BCL2L1: variants seen among roughly 807,000 people sequenced by gnomAD.
BCL2L1 encodes BCL2 like 1.
A neutral mutation model predicts 18.7 loss-of-function variants in BCL2L1; 1 was observed. The ratio of observed to expected loss-of-function variants is 0.05; its 90% confidence interval spans 0.02 to 0.25. The LOEUF (loss-of-function observed/expected upper bound fraction) is 0.25, where lower values mean the gene tolerates loss of function less well. Ranked by LOEUF, BCL2L1 falls within the 10% of genes least tolerant of loss-of-function variation. The pLI is 1.00. For synonymous variants in BCL2L1, 103 were observed against 122.7 expected (o/e 0.84, Z 1.06); for missense variants, 207 against 304.9 (o/e 0.68, Z 2.39).
In BCL2L1 at chr20:31,721,726, G is replaced by A. The variant is rs2122871839; in HGVS notation, c.493C>T (p.Arg165Trp). The A allele has an allele frequency of 2.5e-6, 4 of 1,614,044 alleles. No individual in the cohort carries two copies. The highest frequency in any genetic ancestry group is 3.4e-6 in the Non-Finnish European group (4 of 1,180,014). The change falls in exon 2 of 3, where the codon CGG (arginine) becomes TGG (tryptophan). Residue 165 changes from arginine to tryptophan, a missense_variant. Coordinates refer to ENST00000307677, the MANE Select transcript of BCL2L1 (RefSeq NM_138578.3). ...TAAGTGGCCATCCAAGCTGCGATCC[G>A]ACTCACCAATACCTGCATCTCCTTG... The part of the protein sequence containing the change: ...VDKEMQVLVS[R>W]IAAWMATYLN...
intron 2 of BCL2L1, among the ~76,000 whole-genome samples, chr20:31,697,384 G>A (rs993861196): frequency 6.6e-6 from 1 of 152,068 alleles, no homozygotes; most frequent in African/African-American, 2.4e-5. Context: ...ATGGAAGAGG[G>A]AAGAGGACAG....
At chr20:31,690,366 C>G (rs2061042122) in intron 2 of BCL2L1, among the ~76,000 whole-genome samples, 1 of 152,124 alleles carries the variant, frequency 6.6e-6, no homozygotes. Flanking sequence ...GCTGGGATTA[C>G]AGGTGTGAGT....
At chr20:31,707,740 T>C (rs1437384108) in intron 2 of BCL2L1, among the ~76,000 whole-genome samples, 1 of 146,318 alleles carries the variant, frequency 6.8e-6, no homozygotes, top group Admixed American at 7.0e-5. Context: ...GTGGCACCAT[T>C]GCACTCCAGC....
At position 31,721,680 on chromosome 20, in the gene BCL2L1, G is replaced by A. The variant is rs746751843; in HGVS notation, c.539C>T (p.Pro180Leu). 19 of 1,611,518 alleles carry A rather than the reference G, an allele frequency of 1.2e-5. No homozygotes were observed. The highest frequency in any genetic ancestry group is 3.3e-5 in the Admixed American group (2 of 59,788). Residue 180 changes from proline to leucine, a missense_variant, in exon 2 of 3, where the codon CCT becomes CTT. Pro to Leu is a moderately conservative substitution (Grantham distance 98). Transcript: ENST00000307677. ...MATYLNDHLE[P>L]WIQENGGWDT... is the part of the protein sequence containing the mutation. ...CCAGCCGCCGTTCTCCTGGATCCAA[G>A]GCTCTAGGTGGTCATTCAGGTAAGT...
At chr20:31,722,595 T>G in intron 1 of BCL2L1, 23 bp downstream of exon 1, 1 of 152,926 alleles carries the variant, frequency 6.5e-6, no homozygotes. Flanking sequence ...CCCGCCCCAC[T>G]CCCGCTCCCC....
intron 2 of BCL2L1, among the ~76,000 whole-genome samples, chr20:31,671,059 G>C (rs2060661500): frequency 6.6e-6 from 1 of 152,084 alleles, no homozygotes; most frequent in Non-Finnish European, 1.5e-5. Context: ...CCAGGCCCAA[G>C]GGCCTGTCTG....
chr20:31,684,438 C>T (rs1458060330), intron 2 of BCL2L1, among the ~76,000 whole-genome samples: 2 of 152,174 alleles, frequency 1.3e-5, no homozygotes, highest in African/African-American at 2.4e-5. Context: ...CAAAGGGTGG[C>T]AGCTTCAATC....
intron 2 of BCL2L1, among the ~76,000 whole-genome samples, chr20:31,717,697 C>T (rs1328022111): frequency 6.6e-6 from 1 of 152,234 alleles, no homozygotes; most frequent in Non-Finnish European, 1.5e-5. Flanking sequence ...ACTAAGCATA[C>T]ATCCATCTGA....
chr20:31,682,720 G>T (rs2060885061), intron 2 of BCL2L1, among the ~76,000 whole-genome samples: 1 of 152,128 alleles, frequency 6.6e-6, no homozygotes, highest in Non-Finnish European at 1.5e-5. Context: ...CCCCCAAAGT[G>T]CTGGGATTAT....
At chr20:31,713,902 G>C (rs779354619) in intron 2 of BCL2L1, among the ~76,000 whole-genome samples, 6 of 152,198 alleles carry the variant, frequency 3.9e-5, no homozygotes, top group Admixed American at 6.5e-5. Context: ...CCTTGGGCAA[G>C]TCAATTCATC....
At chr20:31,668,006 T>C (rs2036632561) in intron 2 of BCL2L1, among the ~76,000 whole-genome samples, 1 of 152,142 alleles carries the variant, frequency 6.6e-6, no homozygotes, top group Non-Finnish European at 1.5e-5. Flanking sequence ...CTCCTTACTC[T>C]GGCCAGCAAG....
In BCL2L1 at chr20:31,665,890, G is replaced by A. The variant is rs554584920; in HGVS notation, c.*59C>T. 4.3e-5 allele frequency: 68 copies of A among 1,589,492 alleles called. No individual in the cohort carries two copies. The South Asian group carries it at 4.3e-4, about 10-fold the overall frequency. On this transcript the variant is annotated 3_prime_UTR_variant, in exon 3 of 3. Coordinates refer to ENST00000307677, the MANE Select transcript of BCL2L1 (RefSeq NM_138578.3). ...CTCCTGGTGGCAATGGCGGCTGGAC[G>A]GAGGATGTGGTGGAGCAGAGAAGGG...
chr20:31,709,174 T>C (rs2061413428), intron 2 of BCL2L1, among the ~76,000 whole-genome samples: 1 of 152,214 alleles, frequency 6.6e-6, no homozygotes, highest in African/African-American at 2.4e-5. Context: ...ATCAGCCACC[T>C]GGTTTCTTCC....
intron 2 of BCL2L1, among the ~76,000 whole-genome samples, chr20:31,712,379 T>C (rs2061467551): frequency 6.6e-6 from 1 of 152,240 alleles, no homozygotes; most frequent in African/African-American, 2.4e-5. Flanking sequence ...TAAAAGAACC[T>C]ACTTCAGAGT....
intron 2 of BCL2L1, among the ~76,000 whole-genome samples, chr20:31,681,502 TA>T (rs1247456491): frequency 1.3e-5 from 2 of 152,054 alleles, no homozygotes; most frequent in Non-Finnish European, 2.9e-5. Flanking sequence ...TGACACAAAG[TA>T]GCCAGGCGTG....
chr20:31,721,291 C>G (rs1361194633), intron 2 of BCL2L1, among the ~76,000 whole-genome samples: 1 of 152,200 alleles, frequency 6.6e-6, no homozygotes, highest in African/African-American at 2.4e-5. Context: ...ACTCATCACC[C>G]CTTTGTGTGT....
intron 2 of BCL2L1, among the ~76,000 whole-genome samples, chr20:31,668,603 C>CTTT (rs1234488543): frequency 1.6e-5 from 2 of 127,072 alleles, no homozygotes; most frequent in African/African-American, 3.0e-5. Flanking sequence ...CATATCTGGC[C>CTTT]TTTTTTTTTT....
At chr20:31,713,994 G>C (rs1171655022) in intron 2 of BCL2L1, among the ~76,000 whole-genome samples, 1 of 152,172 alleles carries the variant, frequency 6.6e-6, no homozygotes. Context: ...GGATCAAAAA[G>C]GCAAGGTGGA....
intron 2 of BCL2L1, among the ~76,000 whole-genome samples, chr20:31,672,559 G>A (rs1012306075): frequency 6.6e-6 from 1 of 152,158 alleles, no homozygotes. Context: ...GATGGCCTCT[G>A]TGTGCCTGGT....
Sources: gnomAD v4.1 joint callset for allele counts (sites outside exome capture counted in the v4.1 genomes callset) on GRCh38, gnomAD v4.1.1 for gene constraint, MANE v1.5 for transcripts, NCBI Gene and HGNC (gene_info 2026-07-23, HGNC 2026-07-21) for gene names.